Variants in CUL3 observed in about 807,000 individuals in gnomAD.
CUL3 encodes cullin-3.
A neutral mutation model predicts 89.1 loss-of-function variants in CUL3; 19 were observed. The observed-to-expected ratio is 0.21, with a 90% CI of 0.15 to 0.31. The LOEUF is 0.31. CUL3 is among the 10% of genes least tolerant of loss of function. CUL3 has a pLI of 1.00. For missense variants in CUL3, 469 were observed against 942.3 expected (o/e 0.50, Z 6.58); for synonymous variants, 351 against 308.4 (o/e 1.14, Z -1.45).
intron 12 of CUL3, among the ~76,000 whole-genome samples, chr2:224,496,354 T>C (rs1044011890): frequency 6.6e-6 from 1 of 152,184 alleles, no homozygotes; most frequent in African/African-American, 2.4e-5. Context: ...TTTAATGGTA[T>C]GTTTCAGAAA....
At position 224,580,987 on chromosome 2, in the gene CUL3, T is replaced by C. The variant is rs545948196; in HGVS notation, c.66+3957A>G. On this transcript the variant is annotated intron_variant, in intron 1 of 15. Coordinates refer to ENST00000264414, the MANE Select transcript of CUL3 (RefSeq NM_003590.5). ...CAAAGGATACAAGTTTTAAGATGAA[T>C]ACATTGTGGAGATCAAATGTGCAGC... Among the ~76,000 whole-genome samples the C allele has an allele frequency of 1.8e-4, 28 of 152,224 alleles. No homozygotes were observed. In the South Asian group the frequency reaches 3.3e-3, roughly 18 times the overall value.
intron 15 of CUL3, among the ~76,000 whole-genome samples, chr2:224,475,277 A>G (rs538054725): frequency 3.3e-5 from 5 of 152,306 alleles, no homozygotes; most frequent in African/African-American, 9.6e-5. Flanking sequence ...TCGGCCTCCC[A>G]AAGTGCTGGG....
intron 2 of CUL3, among the ~76,000 whole-genome samples, chr2:224,537,694 C>T (rs1693946988): frequency 6.6e-6 from 1 of 151,420 alleles, no homozygotes; most frequent in Admixed American, 6.6e-5. Context: ...ACGCTACATA[C>T]AAAAAAAATA....
At chr2:224,517,761 G>A (rs761713436) in intron 3 of CUL3, among the ~76,000 whole-genome samples, 4 of 152,228 alleles carry the variant, frequency 2.6e-5, no homozygotes, top group Non-Finnish European at 5.9e-5. Flanking sequence ...ATGAACTAGA[G>A]GCATTTGTGA....
chr2:224,529,520 T>C (rs1410094076), intron 3 of CUL3, among the ~76,000 whole-genome samples: 2 of 150,130 alleles, frequency 1.3e-5, no homozygotes, highest in Admixed American at 6.6e-5. Flanking sequence ...TCCCAGCTAC[T>C]TGGGAGGCTG....
intron 6 of CUL3, among the ~76,000 whole-genome samples, chr2:224,510,784 T>C (rs976935788): frequency 5.3e-5 from 8 of 152,224 alleles, no homozygotes; most frequent in Admixed American, 3.9e-4. Flanking sequence ...GTTAGTTATC[T>C]CAAAAATGTT....
chr2:224,534,767 G>C (rs1311978565), intron 3 of CUL3, among the ~76,000 whole-genome samples: 2 of 151,938 alleles, frequency 1.3e-5, no homozygotes, highest in East Asian at 3.9e-4. Context: ...CAGATCACCA[G>C]GTCAGGAGAT....
Position 224,471,861 on chromosome 2 carries a change from C to T in CUL3, c.*2384G>A. 1 of 230,522 alleles carries T rather than the reference C, an allele frequency of 4.3e-6. No individual in the cohort carries two copies. The highest frequency in any genetic ancestry group is 8.6e-6 in the Non-Finnish European group (1 of 116,412). 14.3% of individuals were successfully genotyped at this position (230,522 alleles called of 1,614,324 possible). A position where few individuals can be genotyped will look rare whatever the true frequency, so the allele number is the denominator to read the frequency against. On this transcript the variant is annotated 3_prime_UTR_variant, in exon 16 of 16. Transcript: ENST00000264414. ...GCAGTTGAAAAACTATGTATCCACCCTCCTTAAAAGTCTTCTAATAAATCA... is the reference window on the plus strand; with the variant it reads ...GCAGTTGAAAAACTATGTATCCACCTTCCTTAAAAGTCTTCTAATAAATCA...
intron 13 of CUL3, among the ~76,000 whole-genome samples, chr2:224,486,132 T>G (rs1459796965): frequency 6.6e-6 from 1 of 152,134 alleles, no homozygotes; most frequent in Non-Finnish European, 1.5e-5. Flanking sequence ...AGATCAAAGG[T>G]AGATAAATCC....
At chr2:224,563,722 A>G (rs1694971627) in intron 1 of CUL3, among the ~76,000 whole-genome samples, 1 of 152,220 alleles carries the variant, frequency 6.6e-6, no homozygotes, top group Admixed American at 6.5e-5. Context: ...ATCTTTGTCC[A>G]GCATTTCCAC....
intron 15 of CUL3, among the ~76,000 whole-genome samples, chr2:224,476,576 C>T (rs1202275373): frequency 2.0e-5 from 3 of 152,140 alleles, no homozygotes; most frequent in East Asian, 1.9e-4. Flanking sequence ...TAAATACCCA[C>T]CCTACACATG....
rs201202529 is a variant in CUL3, at chr2:224,513,520, T to A, written c.654+4A>T. The A allele has an allele frequency of 1.4e-6, 2 of 1,475,028 alleles. No individual in the cohort carries two copies. Among genetic ancestry groups the A allele is most frequent in the East Asian group, 4.5e-5 (2 of 44,012 alleles). 91.4% of individuals were successfully genotyped at this position (1,475,028 alleles called of 1,614,324 possible). ...GATTATTTATTTACATTTTCACGGA[T>A]TACCTGAAAAAATTCTGCAGACATT... On this transcript the variant is annotated splice_donor_region_variant and intron_variant, in intron 5 of 15. Coordinates refer to ENST00000264414, the MANE Select transcript of CUL3 (RefSeq NM_003590.5).
chr2:224,537,574 A>G (rs1035430921), intron 2 of CUL3, among the ~76,000 whole-genome samples: 1 of 152,138 alleles, frequency 6.6e-6, no homozygotes, highest in Non-Finnish European at 1.5e-5. Context: ...TCCCAACAAA[A>G]ACCCAGCAAG....
At chr2:224,578,331 T>A (rs1424262088) in intron 1 of CUL3, among the ~76,000 whole-genome samples, 2 of 152,144 alleles carry the variant, frequency 1.3e-5, no homozygotes, top group Non-Finnish European at 2.9e-5. Context: ...CAGTAAGAAA[T>A]TTTTTAACAG....
At chr2:224,555,515 A>G (rs1694667346) in intron 2 of CUL3, among the ~76,000 whole-genome samples, 1 of 152,156 alleles carries the variant, frequency 6.6e-6, no homozygotes, top group Admixed American at 6.5e-5. Flanking sequence ...ACCCACTTAA[A>G]AACCTCCAAT....
At chr2:224,496,774 T>A (rs1392676379) in intron 12 of CUL3, among the ~76,000 whole-genome samples, 1 of 152,120 alleles carries the variant, frequency 6.6e-6, no homozygotes, top group Non-Finnish European at 1.5e-5. Flanking sequence ...GGATACAAAG[T>A]GGAACTTTCT....
intron 1 of CUL3, among the ~76,000 whole-genome samples, chr2:224,577,941 A>T (rs1695346701): frequency 6.6e-6 from 1 of 152,222 alleles, no homozygotes; most frequent in Non-Finnish European, 1.5e-5. Flanking sequence ...TAGTTCTGCC[A>T]CTTGGAAGAA....
At chr2:224,519,068 T>C (rs1189004030) in intron 3 of CUL3, among the ~76,000 whole-genome samples, 1 of 152,126 alleles carries the variant, frequency 6.6e-6, no homozygotes, top group African/African-American at 2.4e-5. Context: ...AGCACCCCAA[T>C]CCAAAAATCT....
chr2:224,525,882 G>C (rs1693454683), intron 3 of CUL3, among the ~76,000 whole-genome samples: 1 of 152,162 alleles, frequency 6.6e-6, no homozygotes, highest in Admixed American at 6.5e-5. Context: ...TAAAACTTAA[G>C]AGCTAAAAGG....
Sources: allele counts gnomAD v4.1 joint callset (sites outside exome capture counted in the v4.1 genomes callset), GRCh38; gene constraint gnomAD v4.1.1; transcripts MANE v1.5; gene names NCBI Gene and HGNC (gene_info 2026-07-23, HGNC 2026-07-21).